The following VAV3 variants were observed in gnomAD, a reference collection of about 807,000 sequenced individuals.
VAV3 encodes vav guanine nucleotide exchange factor 3.
In VAV3, 94 loss-of-function variants were observed where a neutral mutation model predicts 131.2. The observed-to-expected ratio is 0.72, with a 90% CI of 0.61 to 0.85. The LOEUF is 0.85. Among genes scored for constraint, VAV3 ranks in the 40% least tolerant of loss-of-function variants. The probability of loss-of-function intolerance (pLI) is 0.00; values close to 1 mark genes in which losing one functional copy is unlikely to be tolerated. For synonymous variants in VAV3, 349 were observed against 342.0 expected (o/e 1.02, Z -0.22); for missense variants, 939 against 1,002.7 (o/e 0.94, Z 0.86).
chr1:107,573,904 G>A, intron 26 of VAV3, 143 bp downstream of exon 26: 2 of 1,058,478 alleles, frequency 1.9e-6, no homozygotes, highest in South Asian at 4.3e-5. Flanking sequence ...GCAAAACACA[G>A]CACCAGTTTC....
chr1:107,700,731 T>TGCCA (rs1570778240), intron 17 of VAV3, among the ~76,000 whole-genome samples: 1 of 152,236 alleles, frequency 6.6e-6, no homozygotes, highest in African/African-American at 2.4e-5. Context: ...TCCGTGCTTT[T>TGCCA]GCCATTGTGA....
chr1:107,827,922 G>T (rs1668084459), intron 2 of VAV3, among the ~76,000 whole-genome samples: 1 of 152,084 alleles, frequency 6.6e-6, no homozygotes, highest in Non-Finnish European at 1.5e-5. Flanking sequence ...AGACCAACTA[G>T]AGGCTTGAGA....
chr1:107,688,239 C>A, intron 18 of VAV3, 142 bp downstream of exon 18: 1 of 1,063,124 alleles, frequency 9.4e-7, no homozygotes, highest in Non-Finnish European at 1.3e-6. Context: ...TGTTCACAAT[C>A]ACTTGGTTGT....
At chr1:107,653,082 G>C (rs1656294794) in intron 19 of VAV3, among the ~76,000 whole-genome samples, 1 of 151,542 alleles carries the variant, frequency 6.6e-6, no homozygotes, top group Non-Finnish European at 1.5e-5. Context: ...GAGTAGTAGA[G>C]AGCATATTCA....
intron 15 of VAV3, among the ~76,000 whole-genome samples, chr1:107,735,217 G>C (rs2101988110): frequency 6.6e-6 from 1 of 152,282 alleles, no homozygotes; most frequent in South Asian, 2.1e-4. Context: ...AGTGTGTAGA[G>C]GGAAATTTAT....
intron 2 of VAV3, among the ~76,000 whole-genome samples, chr1:107,817,401 G>C (rs1209553244): frequency 3.3e-5 from 5 of 152,022 alleles, no homozygotes; most frequent in African/African-American, 1.2e-4. Flanking sequence ...CCACAGCAAG[G>C]CTGAGTGTTG....
chr1:107,718,334 A>T (rs1661250978), intron 15 of VAV3, among the ~76,000 whole-genome samples: 1 of 152,214 alleles, frequency 6.6e-6, no homozygotes, highest in Non-Finnish European at 1.5e-5. Context: ...AAATCTCTTT[A>T]AGATGATAAG....
At chr1:107,608,597 G>GA (rs1037396525) in intron 22 of VAV3, among the ~76,000 whole-genome samples, 1 of 152,164 alleles carries the variant, frequency 6.6e-6, no homozygotes, top group Non-Finnish European at 1.5e-5. Context: ...GCTCAGTGCT[G>GA]AGGCCCAGGG....
intron 2 of VAV3, among the ~76,000 whole-genome samples, chr1:107,821,264 T>G (rs913786373): frequency 1.3e-5 from 2 of 152,228 alleles, no homozygotes; most frequent in Non-Finnish European, 2.9e-5. Flanking sequence ...AAGTGTTGAT[T>G]GTTCAGAACT....
chr1:107,623,758 CATTT>C (rs1298570042), intron 20 of VAV3, among the ~76,000 whole-genome samples: 1 of 152,056 alleles, frequency 6.6e-6, no homozygotes, highest in East Asian at 1.9e-4. Flanking sequence ...ATAAGCTATG[CATTT>C]TTGTTATTTC....
intron 1 of VAV3, among the ~76,000 whole-genome samples, chr1:107,893,443 A>G (rs1671409271): frequency 6.6e-6 from 1 of 152,200 alleles, no homozygotes; most frequent in South Asian, 2.1e-4. Context: ...TGATAAAGAA[A>G]TACCTGAGAC....
At chr1:107,764,569 G>C (rs1664630032) in intron 9 of VAV3, among the ~76,000 whole-genome samples, 1 of 152,090 alleles carries the variant, frequency 6.6e-6, no homozygotes, top group African/African-American at 2.4e-5. Flanking sequence ...ACCCTGGCTG[G>C]AGTGCAATGG....
chr1:107,843,423 G>C (rs985805689), intron 2 of VAV3, among the ~76,000 whole-genome samples: 1 of 147,298 alleles, frequency 6.8e-6, no homozygotes, highest in African/African-American at 2.5e-5. Flanking sequence ...CAGTTCTAGT[G>C]GTAGCTCAAA....
At chr1:107,866,038 T>G (rs982628407) in intron 2 of VAV3, among the ~76,000 whole-genome samples, 7 of 151,978 alleles carry the variant, frequency 4.6e-5, no homozygotes, top group Non-Finnish European at 8.8e-5. Context: ...TTCCCAAGGA[T>G]AAGGAGGGTA....
At chr1:107,933,179 T>G (rs1673530737) in intron 1 of VAV3, among the ~76,000 whole-genome samples, 1 of 152,194 alleles carries the variant, frequency 6.6e-6, no homozygotes, top group Non-Finnish European at 1.5e-5. Context: ...CTTTCTAAAT[T>G]ATTCAGTTTT....
chr1:107,696,173 C>A (rs1405087011), intron 17 of VAV3, among the ~76,000 whole-genome samples: 1 of 152,100 alleles, frequency 6.6e-6, no homozygotes, highest in Non-Finnish European at 1.5e-5. Flanking sequence ...CTGCAGGGAA[C>A]CAACAGTATT....
chr1:107,839,528 G>T (rs1668605311), intron 2 of VAV3, among the ~76,000 whole-genome samples: 1 of 151,960 alleles, frequency 6.6e-6, no homozygotes, highest in Non-Finnish European at 1.5e-5. Flanking sequence ...GCAAAAATTG[G>T]TCCTTAGAGA....
rs189783446 is a variant in VAV3 at position 107,701,939 on chromosome 1, C to A, written c.1705+2611G>T. The stretch of plus-strand genomic sequence containing the variant: ...AAACTTTCCCACATCTTCCTGTCTT[C>A]TTCTGAGCCCTCCAAACTGTTCCAA... On this transcript the variant is annotated intron_variant, in intron 17 of 26. Transcript: ENST00000370056. 5.9e-5 allele frequency among the ~76,000 whole-genome samples: 9 copies of A among 152,336 alleles called. No homozygotes were observed. In the East Asian group the frequency reaches 1.7e-3, roughly 29 times the overall value.
At chr1:107,793,817 G>C (rs1557851161) in intron 2 of VAV3, among the ~76,000 whole-genome samples, 1 of 152,220 alleles carries the variant, frequency 6.6e-6, no homozygotes, top group Non-Finnish European at 1.5e-5. Context: ...AGCCTAAACT[G>C]AGAAAGTTGT....
Sources: allele counts gnomAD v4.1 joint callset (sites outside exome capture counted in the v4.1 genomes callset), GRCh38; gene constraint gnomAD v4.1.1; transcripts MANE v1.5; gene names NCBI Gene and HGNC (gene_info 2026-07-23, HGNC 2026-07-21).